MPP7: variants seen among roughly 807,000 people sequenced by gnomAD.
MPP7 encodes the protein MAGUK p55 subfamily member 7.
In MPP7, 60 loss-of-function variants were observed where a neutral mutation model predicts 76.5. The observed-to-expected ratio is 0.78, with a 90% CI of 0.64 to 0.97. MPP7 has a LOEUF of 0.97. Ranked by LOEUF, MPP7 falls within the 50% of genes least tolerant of loss-of-function variation. The probability of loss-of-function intolerance (pLI) is 0.00; values close to 1 mark genes in which losing one functional copy is unlikely to be tolerated. For synonymous variants in MPP7, 237 were observed against 244.5 expected (o/e 0.97, Z 0.29); for missense variants, 641 against 694.0 (o/e 0.92, Z 0.86).
intron 3 of MPP7, among the ~76,000 whole-genome samples, chr10:28,174,431 T>C (rs1200218832): frequency 6.6e-6 from 1 of 152,130 alleles, no homozygotes; most frequent in East Asian, 1.9e-4. Flanking sequence ...TCCTCTCTCT[T>C]TCTTGCTCCT....
chr10:28,189,570 C>CA lies in MPP7; in HGVS notation c.156+12582dup, dbSNP rs59436299. On this transcript the variant is annotated intron_variant, in intron 3 of 16. Transcript: ENST00000683449. ...AGGGAGACAGAGCAAGACCCTGTCT[C>CA]AAAAAAAAAAAAAAAAAAAAAAAAA... Among the ~76,000 whole-genome samples, 583 of 69,520 alleles carry CA rather than the reference C, an allele frequency of 8.4e-3. 53 individuals carry two copies. Among genetic ancestry groups the CA allele is most frequent in the East Asian group, 0.02 (49 of 2,470 alleles). 45.6% of individuals were successfully genotyped at this position (69,520 alleles called of 152,430 possible). A position where few individuals can be genotyped will look rare whatever the true frequency, so the allele number is the denominator to read the frequency against.
At chr10:28,246,774 C>T (rs995031509) in intron 1 of MPP7, among the ~76,000 whole-genome samples, 15 of 152,200 alleles carry the variant, frequency 9.9e-5, no homozygotes, top group African/African-American at 3.6e-4. Flanking sequence ...GATCCAATTA[C>T]CTCCTACTAG....
chr10:28,131,892 C>T (rs1367683176), intron 5 of MPP7, among the ~76,000 whole-genome samples: 2 of 152,136 alleles, frequency 1.3e-5, no homozygotes, highest in African/African-American at 4.8e-5. Flanking sequence ...GTCCAGAGAG[C>T]AGATAGCAGC....
chr10:28,080,621 G>A (rs1268065406), intron 12 of MPP7, among the ~76,000 whole-genome samples: 3 of 152,168 alleles, frequency 2.0e-5, no homozygotes, highest in Non-Finnish European at 2.9e-5. Context: ...AACAGTGCCT[G>A]GCATAGCTGG....
chr10:28,197,181 CTTTTTTT>C (rs11330044), intron 3 of MPP7, among the ~76,000 whole-genome samples: 2 of 115,252 alleles, frequency 1.7e-5, no homozygotes, highest in African/African-American at 3.6e-5. Flanking sequence ...GAGCAACTTC[CTTTTTTT>C]TTTTTTTTTT....
chr10:28,060,675 CG>C (rs1851745643), intron 13 of MPP7, among the ~76,000 whole-genome samples: 1 of 152,052 alleles, frequency 6.6e-6, no homozygotes, highest in Non-Finnish European at 1.5e-5. Flanking sequence ...GAACTTGGGA[CG>C]GGGGGTAGAA....
Position 28,053,120 on chromosome 10 carries a change from T to C in MPP7, c.*945A>G, listed in dbSNP as rs1024429611. 2 of 152,172 alleles carry C rather than the reference T, an allele frequency of 1.3e-5. No individual in the cohort carries two copies. Among genetic ancestry groups the C allele is most frequent in the African/African-American group, 4.8e-5 (2 of 41,448 alleles). The allele number at this position is 152,172 out of a possible 1,614,324, so 9.4% of individuals were successfully genotyped here. On this transcript the variant is annotated 3_prime_UTR_variant, in exon 17 of 17. Transcript: ENST00000683449. ...CTTAGAGCAATTTAAAGAGGGGTGATCTATTGCACATAGATGAAAAATAAT... is the reference window on the plus strand; with the variant it reads ...CTTAGAGCAATTTAAAGAGGGGTGACCTATTGCACATAGATGAAAAATAAT...
chr10:28,264,297 T>G (rs1840077478), intron 1 of MPP7, among the ~76,000 whole-genome samples: 2 of 151,984 alleles, frequency 1.3e-5, no homozygotes, highest in Non-Finnish European at 2.9e-5. Context: ...TCTCTTTTTT[T>G]TAAGTCTCAT....
At chr10:28,290,946 TAC>T (rs1564760962) in intron 1 of MPP7, among the ~76,000 whole-genome samples, 4 of 152,362 alleles carry the variant, frequency 2.6e-5, no homozygotes, top group Non-Finnish European at 4.4e-5. Context: ...TATAGAGTTG[TAC>T]ATGAAAATTA....
At chr10:28,054,392 C>G in intron 16 of MPP7, 148 bp from the exon 17 acceptor site, 1 of 566,882 alleles carries the variant, frequency 1.8e-6, no homozygotes, top group Non-Finnish European at 3.1e-6. Context: ...TCCTCTTTAA[C>G]CACAAGTGCT....
At chr10:28,135,301 G>A (rs1835320471) in intron 5 of MPP7, among the ~76,000 whole-genome samples, 1 of 152,172 alleles carries the variant, frequency 6.6e-6, no homozygotes, top group Non-Finnish European at 1.5e-5. Context: ...GAGATCTGTA[G>A]GAGGTCTCCC....
At chr10:28,057,195 A>C (rs940169616) in intron 15 of MPP7, among the ~76,000 whole-genome samples, 2 of 152,194 alleles carry the variant, frequency 1.3e-5, no homozygotes, top group African/African-American at 4.8e-5. Flanking sequence ...TGGACCTGGG[A>C]CACCAGCAGA....
At position 28,059,645 on chromosome 10, in the gene MPP7, C is replaced by T; in HGVS notation, c.1298+5G>A. 1.2e-6 allele frequency: 2 copies of T among 1,604,880 alleles called. No individual in the cohort carries two copies. Among genetic ancestry groups the T allele is most frequent in the South Asian group, 1.1e-5 (1 of 90,730 alleles). On this transcript the variant is annotated splice_donor_5th_base_variant and intron_variant, in intron 14 of 16. Transcript: ENST00000683449. ...ACATGAAAATTCTCAAAAATGTCCA[C>T]ATACTTGTTATTTTGTACATCTGTC...
intron 16 of MPP7, among the ~76,000 whole-genome samples, chr10:28,055,984 A>T (rs909797999): frequency 6.6e-6 from 1 of 152,218 alleles, no homozygotes; most frequent in African/African-American, 2.4e-5. Flanking sequence ...TGTATCTATT[A>T]TACTCTTCCC....
intron 12 of MPP7, among the ~76,000 whole-genome samples, chr10:28,083,047 T>C (rs780985583): frequency 3.3e-5 from 5 of 152,296 alleles, no homozygotes; most frequent in East Asian, 3.9e-4. Flanking sequence ...CAGAGAAAAT[T>C]TGAATTGTTC....
chr10:28,235,434 A>G (rs1839041865), intron 2 of MPP7, among the ~76,000 whole-genome samples: 1 of 152,194 alleles, frequency 6.6e-6, no homozygotes, highest in Non-Finnish European at 1.5e-5. Flanking sequence ...AAAATTAAAT[A>G]TAATCAACAG....
chr10:28,233,661 TGAGCC>T (rs1838966941), intron 2 of MPP7, among the ~76,000 whole-genome samples: 2 of 147,098 alleles, frequency 1.4e-5, no homozygotes, highest in African/African-American at 5.1e-5. Context: ...GAACTTGCAA[TGAGCC>T]TAGACAGCGC....
At chr10:28,225,704 A>G (rs1396798774) in intron 2 of MPP7, among the ~76,000 whole-genome samples, 5 of 152,230 alleles carry the variant, frequency 3.3e-5, no homozygotes, top group Non-Finnish European at 7.3e-5. Context: ...ACCCTCACAT[A>G]TTGCTGGTAG....
chr10:28,057,711 A>T (rs1299709005), intron 15 of MPP7: 13 of 1,275,106 alleles, frequency 1.0e-5, no homozygotes, highest in Non-Finnish European at 1.2e-5. Context: ...GTCAGGAGGC[A>T]GCCTTCCTGA....
Sources: gnomAD v4.1 joint callset for allele counts (sites outside exome capture counted in the v4.1 genomes callset) on GRCh38, gnomAD v4.1.1 for gene constraint, MANE v1.5 for transcripts, NCBI Gene and HGNC (gene_info 2026-07-23, HGNC 2026-07-21) for gene names.